The following LINGO2 variants were observed in gnomAD, a reference collection of about 807,000 sequenced individuals.
The protein encoded by LINGO2 is leucine-rich repeat and immunoglobulin-like domain-containing nogo receptor-interacting protein 2.
In LINGO2, 14 loss-of-function variants were observed where a neutral mutation model predicts 30.6. The observed-to-expected ratio is 0.46, with a 90% confidence interval of 0.30 to 0.72. LINGO2 has a LOEUF of 0.72. Ranked by LOEUF, LINGO2 falls within the 30% of genes least tolerant of loss-of-function variation. The pLI, the probability that LINGO2 is intolerant of heterozygous loss-of-function variation, is 0.07. For synonymous variants in LINGO2, 317 were observed against 288.5 expected (o/e 1.10, Z -1.00); for missense variants, 729 against 751.7 (o/e 0.97, Z 0.35).
At chr9:28,255,727 G>C (rs1387494215) in intron 4 of LINGO2, among the ~76,000 whole-genome samples, 1 of 151,948 alleles carries the variant, frequency 6.6e-6, no homozygotes, top group African/African-American at 2.4e-5. Context: ...CCAATTTTTA[G>C]CAAGTTCTTT....
intron 4 of LINGO2, among the ~76,000 whole-genome samples, chr9:28,209,626 G>T (rs1236414990): frequency 6.6e-6 from 1 of 151,206 alleles, no homozygotes; most frequent in Non-Finnish European, 1.5e-5. Context: ...CAATGTTAAG[G>T]TAAGTTGTAA....
chr9:28,168,874 G>C (rs751926953), intron 4 of LINGO2, among the ~76,000 whole-genome samples: 1 of 152,226 alleles, frequency 6.6e-6, no homozygotes, highest in South Asian at 2.1e-4. Flanking sequence ...GAATTACTAT[G>C]TGTGGCTTTG....
intron 4 of LINGO2, among the ~76,000 whole-genome samples, chr9:28,292,811 C>G (rs1330412884): frequency 6.6e-6 from 1 of 151,836 alleles, no homozygotes; most frequent in Admixed American, 6.6e-5. Context: ...TGCTTTGTCG[C>G]CCAGGCTGGA....
At chr9:28,900,922 A>C in the LINGO2 span, among the ~76,000 whole-genome samples, 1 of 152,220 alleles carries the variant, frequency 6.6e-6, no homozygotes, top group African/African-American at 2.4e-5. Context: ...GAAAATAATA[A>C]GTGACGAAAG....
intron 2 of LINGO2, among the ~76,000 whole-genome samples, chr9:28,382,040 T>A (rs1296651463): frequency 2.0e-5 from 3 of 152,122 alleles, no homozygotes; most frequent in Non-Finnish European, 4.4e-5. Context: ...CTACTACTTA[T>A]TAACAGGGAA....
chr9:28,003,402 TAG>T (rs1358008640), intron 5 of LINGO2, among the ~76,000 whole-genome samples: 6 of 146,994 alleles, frequency 4.1e-5, no homozygotes, highest in African/African-American at 1.5e-4. Context: ...GAGAGAGAGT[TAG>T]AGAGTTCACA....
intron 2 of LINGO2, among the ~76,000 whole-genome samples, chr9:28,467,771 A>G (rs1478165148): frequency 6.6e-6 from 1 of 152,134 alleles, no homozygotes; most frequent in Non-Finnish European, 1.5e-5. Flanking sequence ...AATAAAAGTC[A>G]CATGAAAAAT....
the LINGO2 span, among the ~76,000 whole-genome samples, chr9:29,030,963 G>A: frequency 6.6e-6 from 1 of 152,170 alleles, no homozygotes; most frequent in Non-Finnish European, 1.5e-5. Context: ...CAGCCATGGT[G>A]CAGGTATCAC....
chr9:28,387,755 C>T (rs555352501), intron 2 of LINGO2, among the ~76,000 whole-genome samples: 2 of 151,846 alleles, frequency 1.3e-5, no homozygotes, highest in Admixed American at 6.6e-5. Context: ...CTGGGATGAA[C>T]GAACAACTCT....
intron 3 of LINGO2, among the ~76,000 whole-genome samples, chr9:28,325,358 A>G (rs1450446356): frequency 2.0e-5 from 3 of 152,158 alleles, no homozygotes; most frequent in Non-Finnish European, 1.5e-5. Flanking sequence ...CAAGAAAGAT[A>G]GAACCCCTAT....
chr9:29,015,219 G>C, the LINGO2 span, among the ~76,000 whole-genome samples: 35 of 152,176 alleles, frequency 2.3e-4, no homozygotes, highest in South Asian at 2.1e-3. Context: ...CTTGGGTGAT[G>C]GATACCCTAA....
intron 4 of LINGO2, among the ~76,000 whole-genome samples, chr9:28,182,382 A>G (rs1819378790): frequency 6.6e-6 from 1 of 152,204 alleles, no homozygotes; most frequent in Non-Finnish European, 1.5e-5. Context: ...TCTAGGCAAT[A>G]CCATTCAGGA....
the LINGO2 span, among the ~76,000 whole-genome samples, chr9:28,793,145 A>G: frequency 3.3e-5 from 5 of 152,200 alleles, no homozygotes; most frequent in Non-Finnish European, 7.3e-5. Flanking sequence ...ACAAAAAATT[A>G]ATAAAAAGAC....
At chr9:27,996,626 T>TA (rs1204558170) in intron 5 of LINGO2, among the ~76,000 whole-genome samples, 3 of 151,922 alleles carry the variant, frequency 2.0e-5, no homozygotes, top group South Asian at 2.1e-4. Context: ...AGAGGAGATT[T>TA]AAAAAAAGGG....
intron 1 of LINGO2, among the ~76,000 whole-genome samples, chr9:28,497,091 AT>A (rs1421472308): frequency 6.6e-6 from 1 of 151,890 alleles, no homozygotes; most frequent in Non-Finnish European, 1.5e-5. Context: ...TGCCCTTAAC[AT>A]TTTTTCCTTC....
At chr9:28,052,162 T>C (rs762459450) in intron 4 of LINGO2, among the ~76,000 whole-genome samples, 42 of 152,212 alleles carry the variant, frequency 2.8e-4, no homozygotes, top group Non-Finnish European at 5.1e-4. Flanking sequence ...TCCTCTGTAG[T>C]GAATTCAACA....
chr9:28,026,333 A>C (rs1823374806), intron 4 of LINGO2, among the ~76,000 whole-genome samples: 1 of 152,196 alleles, frequency 6.6e-6, no homozygotes, highest in Non-Finnish European at 1.5e-5. Context: ...GGCATAATAG[A>C]TATTAAATGA....
At chr9:28,591,251 A>G (rs1824893168) in intron 1 of LINGO2, among the ~76,000 whole-genome samples, 1 of 152,072 alleles carries the variant, frequency 6.6e-6, no homozygotes, top group Non-Finnish European at 1.5e-5. Flanking sequence ...TGGCACATGT[A>G]TACATATGTA....
intron 3 of LINGO2, among the ~76,000 whole-genome samples, chr9:28,368,086 T>A (rs1820747970): frequency 1.3e-5 from 2 of 152,170 alleles, no homozygotes; most frequent in Non-Finnish European, 2.9e-5. Context: ...TATCTATACA[T>A]CCTGTTCTAC....
Sources: gnomAD v4.1 joint callset for allele counts (sites outside exome capture counted in the v4.1 genomes callset) on GRCh38, gnomAD v4.1.1 for gene constraint, MANE v1.5 for transcripts, NCBI Gene and HGNC (gene_info 2026-07-23, HGNC 2026-07-21) for gene names.